Variants in GULP1 observed in about 807,000 individuals in gnomAD.
The protein encoded by GULP1 is PTB domain-containing engulfment adapter protein 1.
Under a neutral mutation model 40.9 loss-of-function variants are expected in GULP1, and 19 were observed. That is an observed-to-expected ratio of 0.46 (90% CI 0.32 to 0.68). GULP1 has a LOEUF of 0.68. Among genes scored for constraint, GULP1 ranks in the 30% least tolerant of loss-of-function variants. The probability of loss-of-function intolerance (pLI) is 0.03; values close to 1 mark genes in which losing one functional copy is unlikely to be tolerated. For missense variants in GULP1, 312 were observed against 362.2 expected, an observed-to-expected ratio of 0.86 and a Z score of 1.12; for synonymous variants, 119 against 117.6, an observed-to-expected ratio of 1.01 and a Z score of -0.08.
chr2:188,310,774 A>G (rs1413441131), intron 1 of GULP1, among the ~76,000 whole-genome samples: 4 of 152,202 alleles, frequency 2.6e-5, no homozygotes, highest in Admixed American at 6.5e-5. Context: ...ATGAGAAGCC[A>G]GTAACAGACA....
At chr2:188,474,418 G>C (rs1470746254) in intron 2 of GULP1, among the ~76,000 whole-genome samples, 1 of 152,166 alleles carries the variant, frequency 6.6e-6, no homozygotes, top group East Asian at 1.9e-4. Flanking sequence ...TTCGACAGCT[G>C]GGATCAGACA....
chr2:188,312,684 A>AC (rs1311603530), intron 1 of GULP1, among the ~76,000 whole-genome samples: 10 of 152,146 alleles, frequency 6.6e-5, no homozygotes, highest in African/African-American at 2.4e-4. Flanking sequence ...GCTGGGTCAA[A>AC]TGCTATTTCT....
At chr2:188,580,278 GCGCGGTGGCT>G (rs1389662236) in intron 9 of GULP1, among the ~76,000 whole-genome samples, 3 of 152,192 alleles carry the variant, frequency 2.0e-5, no homozygotes, top group Non-Finnish European at 4.4e-5. Context: ...TCAAGGCCGG[GCGCGGTGGCT>G]CACGCCTGTA....
intron 9 of GULP1, among the ~76,000 whole-genome samples, chr2:188,577,121 T>G (rs1700323319): frequency 6.6e-6 from 1 of 152,048 alleles, no homozygotes. Flanking sequence ...TGCCAGGAAG[T>G]TAAGTGAGTA....
chr2:188,297,218 G>C (rs940479980), intron 1 of GULP1, among the ~76,000 whole-genome samples: 3 of 151,428 alleles, frequency 2.0e-5, no homozygotes, highest in African/African-American at 7.3e-5. Context: ...CGAAAGAAGA[G>C]AAAAATAGTT....
At position 188,382,708 on chromosome 2, in the gene GULP1, AAACCCCCTCTCT is replaced by A. The variant is rs2049153870; in HGVS notation, c.-171-1053_-171-1042del. On this transcript the variant is annotated intron_variant, in intron 1 of 11. Transcript: ENST00000409830. ...CGAGACCAGTCTGGCCAACATGGCGAAACCCCCTCTCTACTAAAAATACAAAAATTAGCCGGG... is the reference window on the plus strand; with the variant it reads ...CGAGACCAGTCTGGCCAACATGGCGAACTAAAAATACAAAAATTAGCCGGG... Among the ~76,000 whole-genome samples the A allele has an allele frequency of 2.0e-5, 3 of 152,308 alleles. No individual in the cohort carries two copies. The East Asian group carries it at 5.8e-4, about 29-fold the overall frequency.
At chr2:188,518,551 T>C (rs902975176) in intron 4 of GULP1, among the ~76,000 whole-genome samples, 4 of 152,110 alleles carry the variant, frequency 2.6e-5, no homozygotes, top group African/African-American at 9.7e-5. Context: ...CTTCTAGCTC[T>C]CAATACTGGC....
At chr2:188,399,114 C>T (rs909884205) in intron 2 of GULP1, among the ~76,000 whole-genome samples, 2 of 152,152 alleles carry the variant, frequency 1.3e-5, no homozygotes, top group Admixed American at 6.5e-5. Context: ...ATTCTTAGAT[C>T]ACAAGTAACA....
chr2:188,522,966 A>G, intron 5 of GULP1, 139 bp downstream of exon 5: 1 of 551,798 alleles, frequency 1.8e-6, no homozygotes, highest in Non-Finnish European at 3.4e-6. Context: ...AACAAATGTA[A>G]TCATATCAAG....
At chr2:188,441,315 A>G (rs2057913031) in intron 2 of GULP1, among the ~76,000 whole-genome samples, 1 of 152,200 alleles carries the variant, frequency 6.6e-6, no homozygotes, top group Admixed American at 6.5e-5. Flanking sequence ...CATGCTGTTC[A>G]GTGAATCATG....
At chr2:188,418,174 A>C (rs565346232) in intron 2 of GULP1, among the ~76,000 whole-genome samples, 1 of 152,280 alleles carries the variant, frequency 6.6e-6, no homozygotes, top group African/African-American at 2.4e-5. Context: ...ATTAAAGGAT[A>C]GTTTTTAAAA....
chr2:188,436,332 T>G (rs1023514665), intron 2 of GULP1, among the ~76,000 whole-genome samples: 7 of 152,096 alleles, frequency 4.6e-5, no homozygotes, highest in African/African-American at 1.7e-4. Context: ...AATTAAAGTT[T>G]TGTATATTAA....
intron 4 of GULP1, among the ~76,000 whole-genome samples, chr2:188,496,909 C>G (rs918840941): frequency 1.3e-5 from 2 of 151,888 alleles, no homozygotes; most frequent in Non-Finnish European, 2.9e-5. Context: ...TATCTTCCCC[C>G]TGCTCTGGCC....
chr2:188,544,112 T>C (rs935020458), intron 7 of GULP1, among the ~76,000 whole-genome samples: 3 of 151,890 alleles, frequency 2.0e-5, no homozygotes, highest in African/African-American at 7.3e-5. Flanking sequence ...CCACCCTCAC[T>C]CTCCTACTGG....
At chr2:188,538,953 A>G (rs188066320) in intron 6 of GULP1, among the ~76,000 whole-genome samples, 1 of 152,230 alleles carries the variant, frequency 6.6e-6, no homozygotes, top group Admixed American at 6.6e-5. Context: ...TAAATATATT[A>G]TTAATCTAAC....
At chr2:188,361,629 G>A (rs763171376) in intron 1 of GULP1, among the ~76,000 whole-genome samples, 5 of 152,008 alleles carry the variant, frequency 3.3e-5, no homozygotes, top group Non-Finnish European at 7.4e-5. Context: ...GATTTGTTAG[G>A]TGTTCACACC....
intron 2 of GULP1, among the ~76,000 whole-genome samples, chr2:188,463,820 G>A (rs1047131622): frequency 6.6e-6 from 1 of 151,756 alleles, no homozygotes; most frequent in African/African-American, 2.4e-5. Context: ...TATGACATTT[G>A]CATTTTTCAG....
intron 2 of GULP1, among the ~76,000 whole-genome samples, chr2:188,463,231 T>A (rs2059853337): frequency 6.6e-6 from 1 of 152,168 alleles, no homozygotes; most frequent in Admixed American, 6.5e-5. Context: ...CAGCTTTTGT[T>A]TGTCTGGTAA....
At chr2:188,347,145 A>AT (rs1324138984) in intron 1 of GULP1, among the ~76,000 whole-genome samples, 1 of 152,190 alleles carries the variant, frequency 6.6e-6, no homozygotes, top group Admixed American at 6.5e-5. Context: ...AATTAGTAGC[A>AT]ATAGCTGCAG....
Sources: allele counts gnomAD v4.1 joint callset (sites outside exome capture counted in the v4.1 genomes callset), GRCh38; gene constraint gnomAD v4.1.1; transcripts MANE v1.5; gene names NCBI Gene and HGNC (gene_info 2026-07-23, HGNC 2026-07-21).